Variants in ADCY5 observed in about 807,000 individuals in gnomAD.
ADCY5 encodes adenylate cyclase type 5.
ADCY5 carries 30 observed loss-of-function variants against 119.7 expected under a neutral mutation model. That is an observed-to-expected ratio of 0.25 (90% CI 0.19 to 0.34). The LOEUF is 0.34. Among genes scored for constraint, ADCY5 ranks in the 10% least tolerant of loss-of-function variants. The pLI is 1.00. For missense variants in ADCY5, 1,324 were observed against 1,775.2 expected, an observed-to-expected ratio of 0.75 and a Z score of 4.57; for synonymous variants, 753 against 762.2, an observed-to-expected ratio of 0.99 and a Z score of 0.20.
At chr3:123,397,079 T>A (rs910416642) in intron 1 of ADCY5, among the ~76,000 whole-genome samples, 1 of 152,062 alleles carries the variant, frequency 6.6e-6, no homozygotes, top group East Asian at 1.9e-4. Context: ...AAACCCTCAA[T>A]AAACAGAAGA....
At chr3:123,390,647 T>C (rs9822061) in intron 1 of ADCY5, among the ~76,000 whole-genome samples, 75,749 of 152,158 alleles carry the variant, frequency 0.5, 20,200 homozygotes, top group East Asian at 0.68. Context: ...AGGGCTGGGC[T>C]TGGCCTCCCC....
intron 1 of ADCY5, among the ~76,000 whole-genome samples, chr3:123,368,400 AGCCTG>A (rs1293557537): frequency 6.6e-6 from 1 of 152,234 alleles, no homozygotes; most frequent in African/African-American, 2.4e-5. Context: ...GTTTGAGACC[AGCCTG>A]GCCAACATGG....
intron 1 of ADCY5, among the ~76,000 whole-genome samples, chr3:123,371,086 C>T (rs1227996713): frequency 6.6e-6 from 1 of 152,190 alleles, no homozygotes; most frequent in African/African-American, 2.4e-5. Flanking sequence ...TGGCCAGACT[C>T]TGCACGGTAA....
chr3:123,329,181 C>G (rs572159782), intron 5 of ADCY5, among the ~76,000 whole-genome samples: 40 of 152,314 alleles, frequency 2.6e-4, no homozygotes, highest in Admixed American at 1.4e-3. Context: ...CACTCCAAAC[C>G]CTATTTGTAT....
At chr3:123,442,959 G>C (rs1945747327) in intron 1 of ADCY5, among the ~76,000 whole-genome samples, 1 of 152,230 alleles carries the variant, frequency 6.6e-6, no homozygotes, top group African/African-American at 2.4e-5. Context: ...CTGGGGTTGA[G>C]CCTGCTGCTG....
Position 123,448,486 on chromosome 3 carries a change from C to T in ADCY5, c.60G>A (p.Pro20=). 3 of 1,267,430 alleles carry T rather than the reference C, an allele frequency of 2.4e-6. No homozygotes were observed. Among genetic ancestry groups the T allele is most frequent in the Non-Finnish European group, 3.0e-6 (3 of 1,008,008 alleles). The allele number at this position is 1,267,430 out of a possible 1,614,324, so 78.5% of individuals were successfully genotyped here. A position where few individuals can be genotyped will look rare whatever the true frequency, so the allele number is the denominator to read the frequency against. Residue 20 remains proline, a synonymous_variant, in exon 1 of 21, where the codon CCG becomes CCA. Transcript: ENST00000462833. ...GGTGTTCGGGGCCTCCCCGGGGCGC[C>T]GGCGCCGCAGTCTTCTGCGCCGCGT... The part of the protein sequence containing the change: ...PGYAAQKTAA[P]APRGGPEHRS...
chr3:123,443,781 G>A (rs554474566), intron 1 of ADCY5, among the ~76,000 whole-genome samples: 3 of 152,296 alleles, frequency 2.0e-5, no homozygotes, highest in East Asian at 1.9e-4. Flanking sequence ...GGACCCATGC[G>A]GGGTCAGAAT....
rs369260049 is a variant in ADCY5 at position 123,318,011 on chromosome 3, G to A, written c.2354+9C>T. 261 of 1,611,098 alleles carry A rather than the reference G, an allele frequency of 1.6e-4. No individual in the cohort carries two copies. Among genetic ancestry groups the A allele is most frequent in the Non-Finnish European group, 2.2e-4 (254 of 1,177,726 alleles). ...GAGGAAGGAGCCCAAGAGGGACGGG[G>A]ATACTCACTGGGGCACGATGGTGAT... On this transcript the variant is annotated intron_variant, in intron 11 of 20. Coordinates refer to ENST00000462833, the MANE Select transcript of ADCY5 (RefSeq NM_183357.3).
rs1371700404 is a variant in ADCY5 at position 123,286,167 on chromosome 3, A to G, written c.3657+518T>C. Among the ~76,000 whole-genome samples the G allele has an allele frequency of 1.3e-5, 2 of 152,100 alleles. No homozygotes were observed. Among genetic ancestry groups the G allele is most frequent in the African/African-American group, 4.8e-5 (2 of 41,430 alleles). ...AAGAACAGCAGGCCGGGAAACCACA[A>G]GCCCAGCTCGCAAAGGAGGGAGCAA... On this transcript the variant is annotated intron_variant, in intron 20 of 20. Transcript: ENST00000462833. The surrounding 1 kb of genome is among the most constrained non-coding windows in gnomAD (Gnocchi z 4.2).
intron 13 of ADCY5, 144 bp from the exon 14 acceptor site, chr3:123,303,363 C>G: frequency 1.0e-6 from 1 of 963,104 alleles, no homozygotes; most frequent in Non-Finnish European, 1.5e-6. Flanking sequence ...CTGAAAGAGT[C>G]TGAGGAACGG....
At chr3:123,430,665 C>G (rs1030526118) in intron 1 of ADCY5, among the ~76,000 whole-genome samples, 3 of 152,160 alleles carry the variant, frequency 2.0e-5, no homozygotes, top group Non-Finnish European at 4.4e-5. Flanking sequence ...CCAGATAACC[C>G]CTTTCCAAAG....
At chr3:123,393,983 C>T (rs1204787824) in intron 1 of ADCY5, among the ~76,000 whole-genome samples, 1 of 152,040 alleles carries the variant, frequency 6.6e-6, no homozygotes, top group Non-Finnish European at 1.5e-5. Flanking sequence ...AAAATACACA[C>T]ACACAAAATT....
At chr3:123,425,532 G>A (rs555965272) in intron 1 of ADCY5, among the ~76,000 whole-genome samples, 2 of 152,322 alleles carry the variant, frequency 1.3e-5, no homozygotes, top group African/African-American at 2.4e-5. Context: ...GGAAGAAGCA[G>A]CTGTATGGCT....
chr3:123,319,445 T>C lies in ADCY5; in HGVS notation c.2256+229A>G, dbSNP rs141790772. 2.3e-3 allele frequency among the ~76,000 whole-genome samples: 344 copies of C among 152,154 alleles called. 1 individual carries two copies. The highest frequency in any genetic ancestry group is 6.3e-3 in the African/African-American group (262 of 41,520). On this transcript the variant is annotated intron_variant, in intron 10 of 20. Transcript: ENST00000462833. ...AAGTGGGAATGTTAACTGTCCCCAT[T>C]TTCCAGATAATGAAACGAAGGCACA...
intron 1 of ADCY5, chr3:123,367,989 G>A: frequency 6.6e-7 from 1 of 1,514,974 alleles, no homozygotes; most frequent in Non-Finnish European, 8.8e-7. Flanking sequence ...AGGCTGCCCT[G>A]TGGGGATGGA....
At chr3:123,353,657 A>T (rs950732397) in intron 1 of ADCY5, among the ~76,000 whole-genome samples, 3 of 152,286 alleles carry the variant, frequency 2.0e-5, no homozygotes, top group African/African-American at 7.2e-5. Context: ...GTTAGTCCCA[A>T]GTCCTGGGGT....
intron 1 of ADCY5, among the ~76,000 whole-genome samples, chr3:123,438,526 T>C (rs1327906904): frequency 6.6e-6 from 1 of 152,170 alleles, no homozygotes; most frequent in Non-Finnish European, 1.5e-5. Context: ...CCTGTCCTGC[T>C]TCACCCTGCC....
chr3:123,427,343 C>T (rs1291887075), intron 1 of ADCY5, among the ~76,000 whole-genome samples: 2 of 152,228 alleles, frequency 1.3e-5, no homozygotes, highest in African/African-American at 4.8e-5. Context: ...CTCCAACAAA[C>T]CCAAATGTAT....
intron 12 of ADCY5, among the ~76,000 whole-genome samples, chr3:123,311,750 A>C (rs1028818337): frequency 2.4e-4 from 36 of 152,270 alleles, no homozygotes; most frequent in Middle Eastern, 3.4e-3. Flanking sequence ...TCTATCTGTA[A>C]GATGGAAAAA....
Sources: allele counts gnomAD v4.1 joint callset (sites outside exome capture counted in the v4.1 genomes callset), GRCh38; gene constraint gnomAD v4.1.1; non-coding constraint Gnocchi (gnomAD v3.1); transcripts MANE v1.5; gene names NCBI Gene and HGNC (gene_info 2026-07-23, HGNC 2026-07-21).